The following SVOPL variants were observed in gnomAD, a reference collection of about 807,000 sequenced individuals.
SVOPL encodes the protein putative transporter SVOPL.
A neutral mutation model predicts 61.0 loss-of-function variants in SVOPL; 60 were observed. That is an observed-to-expected ratio of 0.98 (90% confidence interval 0.80 to 1.22). SVOPL has a LOEUF of 1.22. Ranked by LOEUF, SVOPL falls within the 50% of genes most tolerant of loss-of-function variation. SVOPL has a pLI of 0.00. For missense variants in SVOPL, 662 were observed against 643.9 expected (o/e 1.03, Z -0.30); for synonymous variants, 279 against 250.0 (o/e 1.12, Z -1.09).
chr7:138,692,938 G>A (rs1802975319), intron 1 of SVOPL, among the ~76,000 whole-genome samples: 1 of 152,118 alleles, frequency 6.6e-6, no homozygotes, highest in African/African-American at 2.4e-5. Flanking sequence ...GGGATTGGTA[G>A]GCATCCTACC....
intron 13 of SVOPL, among the ~76,000 whole-genome samples, chr7:138,622,030 CTATCTATG>C (rs1799627654): frequency 1.0e-5 from 1 of 96,984 alleles, no homozygotes; most frequent in Non-Finnish European, 2.2e-5. Context: ...ATCTATCTAT[CTATCTATG>C]TATCTATCTA....
intron 14 of SVOPL, among the ~76,000 whole-genome samples, chr7:138,618,723 A>G (rs1325984202): frequency 6.8e-6 from 1 of 146,132 alleles, no homozygotes; most frequent in Non-Finnish European, 1.5e-5. Context: ...AGAGAGAGAG[A>G]GGAAGGAAGG....
At position 138,621,147 on chromosome 7, in the gene SVOPL, G is replaced by A. The variant is rs1243472557; in HGVS notation, c.1264-12C>T. ...GTGGTGGGGTAGACCTGCAGGGAGA[G>A]GCACGGAAAGTACCAGTCAGATAAT... On this transcript the variant is annotated splice_polypyrimidine_tract_variant and intron_variant, in intron 13 of 15. Coordinates refer to ENST00000674285, the MANE Select transcript of SVOPL (RefSeq NM_001139456.2). The A allele has an allele frequency of 1.4e-5, 23 of 1,610,144 alleles. No individual in the cohort carries two copies. The highest frequency in any genetic ancestry group is 2.0e-5 in the Non-Finnish European group (23 of 1,178,288).
intron 6 of SVOPL, 82 bp from the exon 7 acceptor site, chr7:138,656,593 C>T: frequency 6.9e-7 from 1 of 1,445,246 alleles, no homozygotes; most frequent in Non-Finnish European, 9.6e-7. Flanking sequence ...TTTCTTGTCA[C>T]AGGGATAAAG....
chr7:138,675,466 G>T (rs2117116256), intron 3 of SVOPL, among the ~76,000 whole-genome samples: 1 of 152,120 alleles, frequency 6.6e-6, no homozygotes, highest in East Asian at 1.9e-4. Context: ...CAATTCTCCT[G>T]ACCCTGCCTT....
chr7:138,701,013 C>G (rs1378057738), intron 1 of SVOPL, among the ~76,000 whole-genome samples, 165 bp downstream of exon 1: 1 of 151,172 alleles, frequency 6.6e-6, no homozygotes, highest in Non-Finnish European at 1.5e-5. Flanking sequence ...CTTTTTTAAA[C>G]TGAGTTTTGT....
At chr7:138,690,621 T>TG (rs1274423286) in intron 1 of SVOPL, among the ~76,000 whole-genome samples, 1 of 152,126 alleles carries the variant, frequency 6.6e-6, no homozygotes, top group South Asian at 2.1e-4. Context: ...GATGAGTGGT[T>TG]GCGGGGGGAG....
intron 3 of SVOPL, among the ~76,000 whole-genome samples, chr7:138,675,321 G>T (rs1300548964): frequency 6.6e-6 from 1 of 151,906 alleles, no homozygotes; most frequent in African/African-American, 2.4e-5. Context: ...AAACTCACAT[G>T]GCTACCTCCA....
intron 13 of SVOPL, among the ~76,000 whole-genome samples, chr7:138,621,838 CTATCTATG>C (rs1563095484): frequency 3.6e-5 from 2 of 56,050 alleles, no homozygotes; most frequent in African/African-American, 1.3e-4. Context: ...ATGTATCTAT[CTATCTATG>C]TATCTATCTA....
intron 15 of SVOPL, among the ~76,000 whole-genome samples, chr7:138,595,025 G>A (rs778004983): frequency 6.6e-6 from 1 of 151,924 alleles, no homozygotes; most frequent in South Asian, 2.1e-4. Flanking sequence ...CAAAGTGCTA[G>A]GATTACAGAC....
intron 9 of SVOPL, among the ~76,000 whole-genome samples, chr7:138,640,781 C>A (rs931360285): frequency 6.6e-6 from 1 of 152,074 alleles, no homozygotes; most frequent in Non-Finnish European, 1.5e-5. Flanking sequence ...AGGGAAAGGG[C>A]AAGGGCTGAG....
At chr7:138,642,975 G>C (rs990092085) in intron 9 of SVOPL, among the ~76,000 whole-genome samples, 2 of 152,044 alleles carry the variant, frequency 1.3e-5, no homozygotes, top group Non-Finnish European at 2.9e-5. Context: ...CCTCTGCCCA[G>C]GATGTAGTGA....
chr7:138,676,265 C>T lies in SVOPL; in HGVS notation c.174+2169G>A, dbSNP rs1196132970. 5.3e-5 allele frequency among the ~76,000 whole-genome samples: 8 copies of T among 152,298 alleles called. No individual in the cohort carries two copies. In the South Asian group the frequency reaches 6.2e-4, roughly 12 times the overall value. On this transcript the variant is annotated intron_variant, in intron 3 of 15. Transcript: ENST00000674285. ...TGTCATTCTTCTTTCTTCAAAATAG[C>T]GTAGGGTGTTTGTCTTAGTCCATTT...
chr7:138,622,334 G>T (rs916448287), intron 13 of SVOPL, among the ~76,000 whole-genome samples: 1 of 147,816 alleles, frequency 6.8e-6, no homozygotes, highest in Admixed American at 6.9e-5. Context: ...TCACTCTTTC[G>T]CCCAGGCTGG....
rs1799011077 is a variant in SVOPL at position 138,611,704 on chromosome 7, AAG to A, written c.1353+9340_1353+9341del. Among the ~76,000 whole-genome samples, 16 of 58,978 alleles carry A rather than the reference AAG, an allele frequency of 2.7e-4. 2 individuals are homozygous for A. Among genetic ancestry groups the A allele is most frequent in the South Asian group, 2.4e-3 (2 of 818 alleles). The allele number at this position is 58,978 out of a possible 152,430, so 38.7% of individuals were successfully genotyped here. A position where few individuals can be genotyped will look rare whatever the true frequency, so the allele number is the denominator to read the frequency against. ...GGTTTTTTTGTGACCCTTGAAAGAT[AAG>A]ACTTTGGTTAAAAGATTGAAAATTA... On this transcript the variant is annotated intron_variant, in intron 14 of 15. Transcript: ENST00000674285.
rs76309125 is a variant in SVOPL at position 138,676,841 on chromosome 7, C to T, written c.174+1593G>A. Among the ~76,000 whole-genome samples the T allele has an allele frequency of 7.2e-3, 1,090 of 151,668 alleles. 8 individuals are homozygous for T. Among genetic ancestry groups the T allele is most frequent in the African/African-American group, 0.024 (1,011 of 41,308 alleles). On this transcript the variant is annotated intron_variant, in intron 3 of 15. Coordinates refer to ENST00000674285, the MANE Select transcript of SVOPL (RefSeq NM_001139456.2). The stretch of plus-strand genomic sequence containing the variant: ...CACAAATGCTCACTTGCTTTATAAC[C>T]GAACACCTGCCAAAGGTGAATGAAA...
chr7:138,596,843 C>A (rs1798300982), intron 14 of SVOPL: 7 of 1,103,982 alleles, frequency 6.3e-6, no homozygotes, highest in Non-Finnish European at 6.7e-6. Flanking sequence ...CGTTTCCCCA[C>A]CCCCTTTCTC....
intron 13 of SVOPL, among the ~76,000 whole-genome samples, chr7:138,621,830 GTATCTATC>G (rs1351456139): frequency 0.35 from 13,124 of 37,202 alleles, 1,804 homozygotes; most frequent in Admixed American, 0.38. Context: ...ATGTATCTAT[GTATCTATC>G]TATCTATGTA....
At chr7:138,643,762 A>C (rs1189953636) in intron 9 of SVOPL, among the ~76,000 whole-genome samples, 1 of 151,974 alleles carries the variant, frequency 6.6e-6, no homozygotes, top group Admixed American at 6.6e-5. Context: ...GGGAGGGGGA[A>C]CAAAGTTTTT....
Sources: allele counts gnomAD v4.1 joint callset (sites outside exome capture counted in the v4.1 genomes callset), GRCh38; gene constraint gnomAD v4.1.1; transcripts MANE v1.5; gene names NCBI Gene and HGNC (gene_info 2026-07-23, HGNC 2026-07-21).